Variants in PEMT observed in about 807,000 individuals in gnomAD.
PEMT encodes the protein phosphatidylethanolamine N-methyltransferase.
In PEMT, 23 loss-of-function variants were observed where a neutral mutation model predicts 27.4. The observed-to-expected ratio is 0.84, with a 90% CI of 0.60 to 1.19. PEMT has a LOEUF of 1.19. Among genes scored for constraint, PEMT ranks in the 50% most tolerant of loss-of-function variants. The pLI is 0.00. For synonymous variants in PEMT, 137 were observed against 139.1 expected (o/e 0.98, Z 0.11); for missense variants, 307 against 310.1 (o/e 0.99, Z 0.07).
At chr17:17,537,731 G>C (rs1196639207) in intron 2 of PEMT, among the ~76,000 whole-genome samples, 1 of 152,256 alleles carries the variant, frequency 6.6e-6, no homozygotes, top group Non-Finnish European at 1.5e-5. Context: ...GAGACTGGGA[G>C]AGACAGACAA....
intron 1 of PEMT, among the ~76,000 whole-genome samples, chr17:17,579,552 C>T (rs1911854142): frequency 6.6e-6 from 1 of 152,170 alleles, no homozygotes; most frequent in Admixed American, 6.5e-5. Flanking sequence ...GTGGTGCATG[C>T]CTATAATCCC....
intron 2 of PEMT, among the ~76,000 whole-genome samples, chr17:17,562,082 C>T (rs1910521995): frequency 1.3e-5 from 2 of 152,200 alleles, no homozygotes; most frequent in South Asian, 2.1e-4. Context: ...TGCTGCAGCT[C>T]GGGGCTGTTT....
chr17:17,507,505 C>A, intron 5 of PEMT: 1 of 411,276 alleles, frequency 2.4e-6, no homozygotes, highest in Non-Finnish European at 4.4e-6. Context: ...GCAGGGCAGA[C>A]GTAAGCAAAG....
intron 4 of PEMT, among the ~76,000 whole-genome samples, chr17:17,510,315 G>A (rs1415817662): frequency 6.6e-6 from 1 of 152,194 alleles, no homozygotes; most frequent in Non-Finnish European, 1.5e-5. Flanking sequence ...GGCCCACAGA[G>A]GACAGTCCCA....
At chr17:17,588,510 T>C (rs1245049080) in intron 1 of PEMT, among the ~76,000 whole-genome samples, 1 of 152,106 alleles carries the variant, frequency 6.6e-6, no homozygotes, top group African/African-American at 2.4e-5. Flanking sequence ...CGATACTTCA[T>C]AAAGCTTTAC....
intron 2 of PEMT, chr17:17,570,677 C>T (rs1394068514): frequency 1.0e-6 from 1 of 985,314 alleles, no homozygotes; most frequent in African/African-American, 1.7e-5. Flanking sequence ...GGGAGGACGC[C>T]TGCCAGAAGG....
intron 1 of PEMT, 98 bp downstream of exon 1, chr17:17,591,433 C>A: frequency 9.5e-7 from 1 of 1,047,728 alleles, no homozygotes; most frequent in Non-Finnish European, 1.4e-6. Context: ...GAACTGGCGG[C>A]CCCGCCCCGC....
intron 2 of PEMT, among the ~76,000 whole-genome samples, chr17:17,536,650 G>A (rs939550664): frequency 1.3e-5 from 2 of 152,188 alleles, no homozygotes; most frequent in African/African-American, 4.8e-5. Flanking sequence ...TGAGCAGAGG[G>A]AAATGGTACA....
At position 17,512,779 on chromosome 17, in the gene PEMT, G is replaced by T. The variant is rs1261547981; in HGVS notation, c.321-125C>A. 9 of 895,816 alleles carry T rather than the reference G, an allele frequency of 1.0e-5. No individual in the cohort carries two copies. In the Admixed American group the frequency reaches 1.2e-4, roughly 12 times the overall value. 55.5% of individuals were successfully genotyped at this position (895,816 alleles called of 1,614,324 possible). On this transcript the variant is annotated intron_variant, in intron 3 of 6. Transcript: ENST00000255389. The surrounding 1 kb of genome is among the most constrained non-coding windows in gnomAD (Gnocchi z 6.3). ...CTTAGAGAGTAGCCAGCCCAGGGCT[G>T]CCAGGCCAGGCAGGCAGCAGGTGGG... is the stretch of plus-strand genomic sequence containing the variant.
chr17:17,591,419 CTGGGAA>C, intron 1 of PEMT, 106 bp downstream of exon 1: 1 of 923,952 alleles, frequency 1.1e-6, no homozygotes, highest in Non-Finnish European at 1.6e-6. Flanking sequence ...CCCCCATTGC[CTGGGAA>C]CTGGCGGCCC....
At chr17:17,536,291 G>C (rs1284732161) in intron 2 of PEMT, among the ~76,000 whole-genome samples, 2 of 152,214 alleles carry the variant, frequency 1.3e-5, no homozygotes, top group African/African-American at 4.8e-5. Flanking sequence ...TTGTAACTCA[G>C]GTCTGGCTTC....
intron 3 of PEMT, among the ~76,000 whole-genome samples, chr17:17,514,417 C>G (rs961017323): frequency 6.6e-6 from 1 of 152,258 alleles, no homozygotes; most frequent in Non-Finnish European, 1.5e-5. Context: ...CTCCTCCCAT[C>G]CCCAAGAGCA....
chr17:17,506,670 T>A (rs1905882213), intron 5 of PEMT, among the ~76,000 whole-genome samples: 1 of 152,066 alleles, frequency 6.6e-6, no homozygotes, highest in Non-Finnish European at 1.5e-5. Flanking sequence ...CAGGAGGAGA[T>A]TCTGGGGCAA....
At chr17:17,522,809 C>G (rs1169809054) in intron 2 of PEMT, among the ~76,000 whole-genome samples, 2 of 152,168 alleles carry the variant, frequency 1.3e-5, no homozygotes, top group Non-Finnish European at 2.9e-5. Flanking sequence ...GCCAGAGGAG[C>G]CCATGGCTGC....
At chr17:17,515,457 G>A (rs1203450430) in intron 3 of PEMT, among the ~76,000 whole-genome samples, 2 of 152,110 alleles carry the variant, frequency 1.3e-5, no homozygotes, top group African/African-American at 2.4e-5. Flanking sequence ...CCCAGTCCTG[G>A]GGCCTTTCCT....
At chr17:17,587,302 T>C (rs577713543) in intron 1 of PEMT, among the ~76,000 whole-genome samples, 1 of 152,262 alleles carries the variant, frequency 6.6e-6, no homozygotes, top group Admixed American at 6.5e-5. Context: ...GGGAATACTA[T>C]GAATAACACA....
At chr17:17,589,072 T>C (rs1029789582) in intron 1 of PEMT, among the ~76,000 whole-genome samples, 39 of 152,366 alleles carry the variant, frequency 2.6e-4, no homozygotes, top group African/African-American at 8.9e-4. Context: ...GTGATTCTCC[T>C]GCCTCAGCCT....
At chr17:17,577,534 G>A (rs1484720977) in intron 1 of PEMT, 1 of 992,922 alleles carries the variant, frequency 1.0e-6, no homozygotes, top group Non-Finnish European at 1.2e-6. Flanking sequence ...CTGAAAAAGT[G>A]TGTGCCCACA....
rs187288353 is a variant in PEMT, at chr17:17,527,978, C to T, written c.205-5583G>A. Among the ~76,000 whole-genome samples, 23 of 152,340 alleles carry T rather than the reference C, an allele frequency of 1.5e-4. No individual in the cohort carries two copies. In the East Asian group the frequency reaches 4.4e-3, roughly 29 times the overall value. On this transcript the variant is annotated intron_variant, in intron 2 of 6. Coordinates refer to ENST00000255389, the MANE Select transcript of PEMT (RefSeq NM_148172.3). ...GATTCCACAGCCAGGACCCCCCCAC[C>T]ACCTGGCCCAGGGCTCCCAGCCTAG... is the stretch of plus-strand genomic sequence containing the variant.
Sources: gnomAD v4.1 joint callset for allele counts (sites outside exome capture counted in the v4.1 genomes callset) on GRCh38, gnomAD v4.1.1 for gene constraint, Gnocchi (gnomAD v3.1) non-coding constraint, MANE v1.5 for transcripts, NCBI Gene and HGNC (gene_info 2026-07-23, HGNC 2026-07-21) for gene names.